ASTN1: variants seen among roughly 807,000 people sequenced by gnomAD.
The protein encoded by ASTN1 is astrotactin 1.
In ASTN1, 41 loss-of-function variants were observed where a neutral mutation model predicts 140.7. The observed-to-expected ratio is 0.29, with a 90% CI of 0.23 to 0.38. The LOEUF is 0.38. ASTN1 is among the 10% of genes least tolerant of loss of function. The pLI, the probability that ASTN1 is intolerant of heterozygous loss-of-function variation, is 1.00. For missense variants in ASTN1, 1,479 were observed against 1,678.8 expected, an observed-to-expected ratio of 0.88 and a Z score of 2.08; for synonymous variants, 640 against 652.2, an observed-to-expected ratio of 0.98 and a Z score of 0.29.
chr1:177,074,075 G>A (rs1449594463), intron 1 of ASTN1, among the ~76,000 whole-genome samples: 2 of 151,988 alleles, frequency 1.3e-5, no homozygotes, highest in African/African-American at 4.8e-5. Context: ...TAGGGTCAGT[G>A]TTTTCAGAGA....
intron 14 of ASTN1, among the ~76,000 whole-genome samples, chr1:176,939,421 C>T (rs987069382): frequency 3.0e-4 from 46 of 152,206 alleles, no homozygotes; most frequent in African/African-American, 1.1e-3. Flanking sequence ...AGCTGATCAA[C>T]ATTTCTCCTG....
intron 16 of ASTN1, among the ~76,000 whole-genome samples, chr1:176,917,325 G>A (rs1670530287): frequency 6.6e-6 from 1 of 152,210 alleles, no homozygotes; most frequent in South Asian, 2.1e-4. Flanking sequence ...GGAATGGAAC[G>A]CTTCCCAGGG....
At chr1:176,866,617 C>T (rs1393610333) in intron 22 of ASTN1, among the ~76,000 whole-genome samples, 1 of 152,080 alleles carries the variant, frequency 6.6e-6, no homozygotes, top group African/African-American at 2.4e-5. Flanking sequence ...TAAATTAGTC[C>T]ACACAGCCTT....
chr1:177,103,242 A>T (rs1342636533), intron 1 of ASTN1, among the ~76,000 whole-genome samples: 1 of 152,204 alleles, frequency 6.6e-6, no homozygotes, highest in African/African-American at 2.4e-5. Context: ...CCTGACTCAT[A>T]ATGAGATGCT....
chr1:177,106,748 A>G (rs566538217), intron 1 of ASTN1, among the ~76,000 whole-genome samples: 1 of 152,338 alleles, frequency 6.6e-6, no homozygotes, highest in South Asian at 2.1e-4. Flanking sequence ...TATTTGGCTC[A>G]GGTAAACCTC....
chr1:177,020,545 A>T (rs1571660385), intron 7 of ASTN1, among the ~76,000 whole-genome samples: 1 of 152,086 alleles, frequency 6.6e-6, no homozygotes, highest in African/African-American at 2.4e-5. Context: ...TTGTGATTAC[A>T]TTTTGACCAC....
At chr1:177,023,309 C>T (rs560019616) in intron 7 of ASTN1, 95 bp downstream of exon 7, 205 of 1,438,296 alleles carry the variant, frequency 1.4e-4, no homozygotes, top group African/African-American at 7.3e-4. Context: ...GGCAGTGGGA[C>T]GGGGAGTTGG....
At chr1:177,093,751 A>G (rs902657286) in intron 1 of ASTN1, among the ~76,000 whole-genome samples, 1 of 152,218 alleles carries the variant, frequency 6.6e-6, no homozygotes, top group Non-Finnish European at 1.5e-5. Flanking sequence ...CACAAAAGAA[A>G]TATCAACAAA....
At chr1:176,952,933 T>C (rs890502729) in intron 11 of ASTN1, among the ~76,000 whole-genome samples, 1 of 152,172 alleles carries the variant, frequency 6.6e-6, no homozygotes, top group African/African-American at 2.4e-5. Context: ...ACTACAGGCT[T>C]AAGAAGAAAA....
At chr1:176,951,898 C>A (rs185357253) in intron 11 of ASTN1, among the ~76,000 whole-genome samples, 8 of 152,134 alleles carry the variant, frequency 5.3e-5, no homozygotes, top group South Asian at 2.1e-4. Flanking sequence ...TATCTTCAAC[C>A]CAATAACACA....
At chr1:176,881,623 C>T (rs1198912399) in intron 20 of ASTN1, among the ~76,000 whole-genome samples, 5 of 152,088 alleles carry the variant, frequency 3.3e-5, no homozygotes, top group Non-Finnish European at 1.5e-5. Flanking sequence ...TCAAAAGAGC[C>T]AACGAGAATC....
chr1:177,029,422 C>T (rs1176767140), intron 5 of ASTN1: 4 of 748,670 alleles, frequency 5.3e-6, no homozygotes, highest in East Asian at 2.5e-5. Flanking sequence ...TTGAGAGTGC[C>T]ATTATCTGGG....
chr1:176,975,087 G>T (rs189954148), intron 8 of ASTN1, among the ~76,000 whole-genome samples: 1 of 152,240 alleles, frequency 6.6e-6, no homozygotes, highest in Non-Finnish European at 1.5e-5. Flanking sequence ...TTAGCCCAGA[G>T]AACTGTAGTT....
chr1:177,056,228 C>T (rs1419728497), intron 2 of ASTN1, among the ~76,000 whole-genome samples: 1 of 152,208 alleles, frequency 6.6e-6, no homozygotes, highest in East Asian at 1.9e-4. Context: ...CACACTGGAA[C>T]TTTCCCACAG....
chr1:177,141,943 A>G (rs1316196583), intron 1 of ASTN1, among the ~76,000 whole-genome samples: 1 of 152,230 alleles, frequency 6.6e-6, no homozygotes, highest in Non-Finnish European at 1.5e-5. Flanking sequence ...GGTTAGCAAG[A>G]CATTACAGTC....
intron 16 of ASTN1, among the ~76,000 whole-genome samples, chr1:176,899,911 T>C (rs957533813): frequency 6.6e-6 from 1 of 152,208 alleles, no homozygotes; most frequent in African/African-American, 2.4e-5. Flanking sequence ...GAAAAGAAGA[T>C]AGGACATAAA....
intron 1 of ASTN1, among the ~76,000 whole-genome samples, chr1:177,100,385 A>T (rs1333796122): frequency 6.6e-6 from 1 of 152,196 alleles, no homozygotes; most frequent in Non-Finnish European, 1.5e-5. Context: ...GACAAGTGAC[A>T]GCTCCTAGTC....
chr1:177,088,162 A>C (rs1679569665), intron 1 of ASTN1, among the ~76,000 whole-genome samples: 1 of 152,204 alleles, frequency 6.6e-6, no homozygotes, highest in African/African-American at 2.4e-5. Context: ...AATATATCTG[A>C]ATGCCTCAGA....
intron 8 of ASTN1, among the ~76,000 whole-genome samples, chr1:176,977,914 G>T (rs1331181210): frequency 6.6e-6 from 1 of 152,198 alleles, no homozygotes; most frequent in African/African-American, 2.4e-5. Flanking sequence ...ATGACTTGGG[G>T]TGACATCCTC....
Sources: allele counts gnomAD v4.1 joint callset (sites outside exome capture counted in the v4.1 genomes callset), GRCh38; gene constraint gnomAD v4.1.1; transcripts MANE v1.5; gene names NCBI Gene and HGNC (gene_info 2026-07-23, HGNC 2026-07-21).